The following ATRN variants were observed in gnomAD, a reference collection of about 807,000 sequenced individuals.
The protein encoded by ATRN is attractin, also known as attractin-2.
A neutral mutation model predicts 178.7 loss-of-function variants in ATRN; 54 were observed. The observed-to-expected ratio is 0.30, with a 90% CI of 0.24 to 0.38. The LOEUF (loss-of-function observed/expected upper bound fraction) is 0.38. Among genes scored for constraint, ATRN ranks in the 10% least tolerant of loss-of-function variants. ATRN has a pLI of 1.00. For missense variants in ATRN, 1,443 were observed against 1,815.1 expected (o/e 0.79, Z 3.73); for synonymous variants, 636 against 663.0 (o/e 0.96, Z 0.63).
chr20:3,574,413 G>T (rs2086174814), intron 12 of ATRN, among the ~76,000 whole-genome samples: 1 of 152,216 alleles, frequency 6.6e-6, no homozygotes, highest in African/African-American at 2.4e-5. Flanking sequence ...AGCTACTAGG[G>T]TGGCTGAGGC....
At chr20:3,508,355 T>C (rs2085076554) in intron 1 of ATRN, among the ~76,000 whole-genome samples, 1 of 152,128 alleles carries the variant, frequency 6.6e-6, no homozygotes, top group Non-Finnish European at 1.5e-5. Flanking sequence ...AACTTTCTTT[T>C]TAAAGGGCCA....
rs770584938 is a variant in ATRN at position 3,519,006 on chromosome 20, T to TATAAAAAAAAAAAAAAAAAAAA, written c.411-16246_411-16245insTAAAAAAAAAAAAAAAAAAAAA. On this transcript the variant is annotated intron_variant, in intron 1 of 28. Transcript: ENST00000262919. ...GTGCTTCAATAAACATCCTTATATA[T>TATAAAAAAAAAAAAAAAAAAAA]AAAAAAAAAAAAAAGAAAGAAAACT... Among the ~76,000 whole-genome samples, 25 of 119,426 alleles carry TATAAAAAAAAAAAAAAAAAAAA rather than the reference T, an allele frequency of 2.1e-4. 1 individual carries two copies. Among genetic ancestry groups the TATAAAAAAAAAAAAAAAAAAAA allele is most frequent in the Non-Finnish European group, 3.4e-4 (20 of 58,084 alleles). 78.3% of individuals were successfully genotyped at this position (119,426 alleles called of 152,430 possible).
intron 18 of ATRN, among the ~76,000 whole-genome samples, chr20:3,586,996 T>G (rs1303762746): frequency 1.3e-5 from 2 of 152,222 alleles, no homozygotes; most frequent in African/African-American, 4.8e-5. Flanking sequence ...CTAATGAAAT[T>G]GAACATCAAC....
At chr20:3,530,483 G>A (rs2085439025) in intron 1 of ATRN, among the ~76,000 whole-genome samples, 1 of 147,040 alleles carries the variant, frequency 6.8e-6, no homozygotes, top group Non-Finnish European at 1.5e-5. Flanking sequence ...TTTTTGCCAC[G>A]TTGGCTAGGC....
chr20:3,598,287 C>A (rs1402370388), intron 22 of ATRN, among the ~76,000 whole-genome samples: 1 of 152,202 alleles, frequency 6.6e-6, no homozygotes. Flanking sequence ...AGAAAGGGGA[C>A]TCCACCATCA....
chr20:3,625,273 C>G (rs988829096), intron 25 of ATRN, among the ~76,000 whole-genome samples: 7 of 152,186 alleles, frequency 4.6e-5, no homozygotes, highest in African/African-American at 9.7e-5. Flanking sequence ...ATGGCCTCCC[C>G]TAGCATCTCC....
At chr20:3,568,913 A>G (rs1414529381) in intron 11 of ATRN, among the ~76,000 whole-genome samples, 1 of 152,196 alleles carries the variant, frequency 6.6e-6, no homozygotes, top group African/African-American at 2.4e-5. Context: ...AACATAAGGC[A>G]CAAAAATGCA....
At chr20:3,527,170 CAA>C (rs975763455) in intron 1 of ATRN, among the ~76,000 whole-genome samples, 4 of 152,056 alleles carry the variant, frequency 2.6e-5, no homozygotes, top group African/African-American at 9.7e-5. Flanking sequence ...AAAATTTTTG[CAA>C]TCTATCCATC....
chr20:3,512,733 A>T (rs938050223), intron 1 of ATRN, among the ~76,000 whole-genome samples: 2 of 152,186 alleles, frequency 1.3e-5, no homozygotes, highest in Non-Finnish European at 2.9e-5. Context: ...AACAGTATAA[A>T]AGTGTTCCTA....
chr20:3,642,507 C>G (rs2087077166), intron 27 of ATRN, among the ~76,000 whole-genome samples: 1 of 152,224 alleles, frequency 6.6e-6, no homozygotes, highest in South Asian at 2.1e-4. Flanking sequence ...AATCTTGACT[C>G]CGTATTCAAA....
At chr20:3,611,125 G>A (rs950196053) in intron 24 of ATRN, among the ~76,000 whole-genome samples, 8 of 152,056 alleles carry the variant, frequency 5.3e-5, no homozygotes, top group Non-Finnish European at 7.4e-5. Context: ...ATCCCAAAAC[G>A]AAACAAAACC....
At chr20:3,503,165 C>G (rs1337431999) in intron 1 of ATRN, among the ~76,000 whole-genome samples, 1 of 152,142 alleles carries the variant, frequency 6.6e-6, no homozygotes, top group African/African-American at 2.4e-5. Context: ...ACTGCAAAGG[C>G]TCTGTAAATT....
chr20:3,539,096 T>C (rs2085582530), intron 2 of ATRN, among the ~76,000 whole-genome samples: 1 of 152,222 alleles, frequency 6.6e-6, no homozygotes. Flanking sequence ...TACTTGTTTA[T>C]GTATTTATTT....
At chr20:3,546,155 C>T (rs1480393457) in intron 4 of ATRN, among the ~76,000 whole-genome samples, 2 of 152,144 alleles carry the variant, frequency 1.3e-5, no homozygotes, top group African/African-American at 4.8e-5. Context: ...GGTGTTGATG[C>T]TGTTGAACTT....
At chr20:3,513,378 T>C (rs2085162951) in intron 1 of ATRN, among the ~76,000 whole-genome samples, 1 of 152,236 alleles carries the variant, frequency 6.6e-6, no homozygotes, top group African/African-American at 2.4e-5. Context: ...CCTTTCCCCA[T>C]TTCTTGTTTT....
chr20:3,496,798 G>C (rs1333692451), intron 1 of ATRN, among the ~76,000 whole-genome samples: 1 of 151,608 alleles, frequency 6.6e-6, no homozygotes, highest in Non-Finnish European at 1.5e-5. Context: ...GGGAGTCTAA[G>C]TCTCTTTGTA....
intron 15 of ATRN, among the ~76,000 whole-genome samples, chr20:3,580,249 A>C (rs2086264308): frequency 6.6e-6 from 1 of 152,122 alleles, no homozygotes; most frequent in Non-Finnish European, 1.5e-5. Flanking sequence ...TGGTGTCTCT[A>C]ACAATGACTC....
At chr20:3,543,195 C>T (rs1205719661) in intron 3 of ATRN, among the ~76,000 whole-genome samples, 1 of 152,204 alleles carries the variant, frequency 6.6e-6, no homozygotes, top group Non-Finnish European at 1.5e-5. Flanking sequence ...TACGTATACA[C>T]ACACCTGTGT....
intron 1 of ATRN, among the ~76,000 whole-genome samples, chr20:3,503,585 A>G (rs777095945): frequency 4.6e-5 from 7 of 152,164 alleles, no homozygotes; most frequent in Non-Finnish European, 2.9e-5. Flanking sequence ...ACTGAAAAAC[A>G]ACAGGAAAAA....
Sources: allele counts gnomAD v4.1 joint callset (sites outside exome capture counted in the v4.1 genomes callset), GRCh38; gene constraint gnomAD v4.1.1; transcripts MANE v1.5; gene names NCBI Gene and HGNC (gene_info 2026-07-23, HGNC 2026-07-21).